Variants in FHOD3 observed in about 807,000 individuals in gnomAD.
FHOD3 encodes formin homology 2 domain containing 3, also known as FH1/FH2 domain-containing protein 3.
In FHOD3, 90 loss-of-function variants were observed where a neutral mutation model predicts 173.0. The observed-to-expected ratio is 0.52, with a 90% CI of 0.44 to 0.62. FHOD3 has a LOEUF of 0.62. Among genes scored for constraint, FHOD3 ranks in the 20% least tolerant of loss-of-function variants. The probability of loss-of-function intolerance (pLI) is 0.00; values close to 1 mark genes in which losing one functional copy is unlikely to be tolerated. For synonymous variants in FHOD3, 828 were observed against 823.0 expected (o/e 1.01, Z -0.10); for missense variants, 1,945 against 2,034.7 (o/e 0.96, Z 0.85).
chr18:36,558,313 G>A (rs2057966932), intron 5 of FHOD3, among the ~76,000 whole-genome samples: 1 of 152,086 alleles, frequency 6.6e-6, no homozygotes, highest in South Asian at 2.1e-4. Flanking sequence ...AGTAAGCTGG[G>A]CCACTGGAGG....
intron 1 of FHOD3, among the ~76,000 whole-genome samples, chr18:36,322,784 C>T (rs936543450): frequency 3.3e-5 from 5 of 152,286 alleles, no homozygotes; most frequent in African/African-American, 7.2e-5. Flanking sequence ...CTGGCTTTGT[C>T]ATCCCTCTAC....
chr18:36,342,685 CA>C (rs2045681922), intron 1 of FHOD3, among the ~76,000 whole-genome samples: 1 of 152,110 alleles, frequency 6.6e-6, no homozygotes, highest in Admixed American at 6.5e-5. Context: ...TGTACTTTAT[CA>C]AAGTTAAAAA....
chr18:36,730,582 A>G lies in FHOD3; in HGVS notation c.3418-64A>G. 2.6e-6 allele frequency: 4 copies of G among 1,517,958 alleles called. No homozygotes were observed. The South Asian group carries it at 4.9e-5, about 19-fold the overall frequency. The allele number at this position is 1,517,958 out of a possible 1,614,324, so 94.0% of individuals were successfully genotyped here. ...TAAATAAGTAGTGAGTGCTTTTAAT[A>G]ATGAAATGCAGAAAGGACCCAAGAT... On this transcript the variant is annotated intron_variant, in intron 19 of 28. Coordinates refer to ENST00000590592, the MANE Select transcript of FHOD3 (RefSeq NM_001281740.3).
At chr18:36,607,129 A>G (rs2032170064) in intron 8 of FHOD3, among the ~76,000 whole-genome samples, 1 of 152,242 alleles carries the variant, frequency 6.6e-6, no homozygotes, top group Non-Finnish European at 1.5e-5. Flanking sequence ...TTGCCCTAGT[A>G]GGGACTTTCT....
At chr18:36,592,911 C>A (rs541900712) in intron 6 of FHOD3, among the ~76,000 whole-genome samples, 1 of 152,168 alleles carries the variant, frequency 6.6e-6, no homozygotes, top group African/African-American at 2.4e-5. Context: ...TTTGGTCAGG[C>A]CTGGAGTGCA....
At chr18:36,461,820 G>A (rs912014705) in intron 3 of FHOD3, among the ~76,000 whole-genome samples, 2 of 152,196 alleles carry the variant, frequency 1.3e-5, no homozygotes, top group Non-Finnish European at 1.5e-5. Context: ...AGCAAGGAAG[G>A]GGGTGATGTA....
At chr18:36,446,318 C>T (rs543197703) in intron 3 of FHOD3, among the ~76,000 whole-genome samples, 7 of 151,874 alleles carry the variant, frequency 4.6e-5, no homozygotes, top group Admixed American at 6.6e-5. Flanking sequence ...TCACCAGCAA[C>T]GTGAGGAGCC....
intron 3 of FHOD3, among the ~76,000 whole-genome samples, chr18:36,438,665 G>A (rs1478626868): frequency 6.6e-6 from 1 of 152,212 alleles, no homozygotes; most frequent in Non-Finnish European, 1.5e-5. Flanking sequence ...ATATTGCTCA[G>A]GTATGGAGGC....
chr18:36,354,754 C>T (rs895880262), intron 1 of FHOD3, among the ~76,000 whole-genome samples: 13 of 150,086 alleles, frequency 8.7e-5, no homozygotes, highest in South Asian at 6.4e-4. Flanking sequence ...TGCAGTGAGC[C>T]GAGATCATGC....
chr18:36,427,715 T>C (rs1394249463), intron 3 of FHOD3, among the ~76,000 whole-genome samples: 4 of 152,234 alleles, frequency 2.6e-5, no homozygotes, highest in Admixed American at 2.6e-4. Flanking sequence ...TCTGCACTCC[T>C]GGTGCCCATC....
intron 5 of FHOD3, among the ~76,000 whole-genome samples, chr18:36,513,968 A>G (rs921000050): frequency 2.7e-5 from 4 of 150,126 alleles, no homozygotes; most frequent in African/African-American, 9.8e-5. Context: ...CTCCATTACA[A>G]GTTGTCAGGA....
At chr18:36,772,542 C>G (rs1193063734) in intron 28 of FHOD3, among the ~76,000 whole-genome samples, 1 of 152,228 alleles carries the variant, frequency 6.6e-6, no homozygotes, top group African/African-American at 2.4e-5. Flanking sequence ...ATCCCATAAC[C>G]TTGAAATTTA....
At chr18:36,559,327 C>G (rs2058007969) in intron 5 of FHOD3, among the ~76,000 whole-genome samples, 3 of 152,176 alleles carry the variant, frequency 2.0e-5, no homozygotes, top group Non-Finnish European at 4.4e-5. Flanking sequence ...TCTCTTGGCT[C>G]AGCAGAAAGA....
At chr18:36,371,102 A>AT (rs1033291959) in intron 2 of FHOD3, among the ~76,000 whole-genome samples, 2 of 152,226 alleles carry the variant, frequency 1.3e-5, no homozygotes, top group African/African-American at 4.8e-5. Flanking sequence ...TGGCTTCCAT[A>AT]TAAAAAATGT....
At chr18:36,425,404 G>C (rs1264117333) in intron 3 of FHOD3, among the ~76,000 whole-genome samples, 2 of 152,228 alleles carry the variant, frequency 1.3e-5, no homozygotes, top group African/African-American at 2.4e-5. Flanking sequence ...TCAATGAAGG[G>C]GAGGGATGGA....
intron 10 of FHOD3, among the ~76,000 whole-genome samples, chr18:36,646,027 T>C (rs1417019992): frequency 6.6e-6 from 1 of 152,196 alleles, no homozygotes; most frequent in Non-Finnish European, 1.5e-5. Context: ...GAAGCATCAC[T>C]GTCTCCATTT....
chr18:36,637,681 G>GCTT (rs983993281), intron 10 of FHOD3, among the ~76,000 whole-genome samples: 1 of 152,196 alleles, frequency 6.6e-6, no homozygotes, highest in African/African-American at 2.4e-5. Flanking sequence ...AATATGAGTA[G>GCTT]CTTTAGAAGA....
rs1256249061 is a variant in FHOD3 at position 36,703,334 on chromosome 18, A to G, written c.2237-5761A>G. On this transcript the variant is annotated intron_variant, in intron 17 of 28. Coordinates refer to ENST00000590592, the MANE Select transcript of FHOD3 (RefSeq NM_001281740.3). ...GGGCTGAGCCAGGGAGAGGGAGAGC[A>G]AATACAGCTGGTGTTCTGTGCGGGA... Among the ~76,000 whole-genome samples, 5 of 152,188 alleles carry G rather than the reference A, an allele frequency of 3.3e-5. No homozygotes were observed. The South Asian group carries it at 8.3e-4, about 25-fold the overall frequency.
chr18:36,616,803 T>C (rs2033244135), intron 9 of FHOD3, among the ~76,000 whole-genome samples: 2 of 152,226 alleles, frequency 1.3e-5, no homozygotes, highest in South Asian at 4.1e-4. Context: ...TAAATCAGAA[T>C]TGGCTAATCA....
Sources: allele counts gnomAD v4.1 joint callset (sites outside exome capture counted in the v4.1 genomes callset), GRCh38; gene constraint gnomAD v4.1.1; transcripts MANE v1.5; gene names NCBI Gene and HGNC (gene_info 2026-07-23, HGNC 2026-07-21).